The following CADPS variants were observed in gnomAD, a reference collection of about 807,000 sequenced individuals.
CADPS encodes calcium dependent secretion activator, also known as calcium-dependent secretion activator 1.
CADPS carries 57 observed loss-of-function variants against 167.3 expected under a neutral mutation model. That is an observed-to-expected ratio of 0.34 (90% CI 0.28 to 0.42). The LOEUF is 0.42. CADPS is among the 20% of genes least tolerant of loss of function. CADPS has a pLI of 1.00. For synonymous variants in CADPS, 676 were observed against 635.3 expected, an observed-to-expected ratio of 1.06 and a Z score of -0.96; for missense variants, 1,414 against 1,738.1, an observed-to-expected ratio of 0.81 and a Z score of 3.32.
At chr3:62,574,478 C>T (rs542529146) in intron 8 of CADPS, among the ~76,000 whole-genome samples, 158 of 152,214 alleles carry the variant, frequency 1.0e-3, no homozygotes, top group African/African-American at 3.6e-3. Flanking sequence ...GAGCATCGAC[C>T]GGATGACTGA....
chr3:62,642,506 TA>T (rs2067624582), intron 6 of CADPS, among the ~76,000 whole-genome samples: 1 of 151,958 alleles, frequency 6.6e-6, no homozygotes, highest in East Asian at 1.9e-4. Flanking sequence ...GGAGAAGAAA[TA>T]AAGCTTCAAA....
chr3:62,402,994 C>G, intron 29 of CADPS, 87 bp downstream of exon 29: 1 of 790,256 alleles, frequency 1.3e-6, no homozygotes, highest in Non-Finnish European at 2.0e-6. Flanking sequence ...AACTAATATT[C>G]TTTGTGTTAA....
chr3:62,483,304 AAGTGGGGG>A (rs1338617125), intron 21 of CADPS, among the ~76,000 whole-genome samples: 2 of 113,726 alleles, frequency 1.8e-5, no homozygotes, highest in African/African-American at 3.3e-5. Context: ...TTGGGTGGGG[AAGTGGGGG>A]AGTAGGGGAG....
chr3:62,555,607 G>A (rs2078006608), intron 10 of CADPS, among the ~76,000 whole-genome samples: 1 of 152,118 alleles, frequency 6.6e-6, no homozygotes, highest in Admixed American at 6.5e-5. Context: ...ATTACCCTGA[G>A]GGCTAAATAC....
chr3:62,833,934 C>T (rs1320411434), intron 1 of CADPS, among the ~76,000 whole-genome samples: 2 of 152,162 alleles, frequency 1.3e-5, no homozygotes, highest in Non-Finnish European at 2.9e-5. Context: ...GGTACACATA[C>T]ATGTGCATTT....
chr3:62,605,318 G>T (rs2060554769), intron 6 of CADPS, among the ~76,000 whole-genome samples: 1 of 152,072 alleles, frequency 6.6e-6, no homozygotes. Flanking sequence ...AGACAACTTT[G>T]GCTATGCCCC....
chr3:62,661,920 T>C (rs1362758941), intron 4 of CADPS, among the ~76,000 whole-genome samples: 4 of 152,102 alleles, frequency 2.6e-5, no homozygotes, highest in Admixed American at 6.5e-5. Flanking sequence ...TCCACAGTGA[T>C]TGGATATAGA....
intron 1 of CADPS, among the ~76,000 whole-genome samples, chr3:62,857,950 G>C (rs1458115935): frequency 1.3e-5 from 2 of 152,010 alleles, no homozygotes; most frequent in South Asian, 4.1e-4. Flanking sequence ...TATATCTAGG[G>C]AGTTAGGAAG....
At chr3:62,457,492 A>G (rs542987922) in intron 26 of CADPS, among the ~76,000 whole-genome samples, 2 of 152,384 alleles carry the variant, frequency 1.3e-5, no homozygotes, top group South Asian at 4.1e-4. Context: ...CATTAAAATA[A>G]AACACAAAAT....
At chr3:62,650,779 T>C in intron 5 of CADPS, 68 bp downstream of exon 5, 1 of 1,141,374 alleles carries the variant, frequency 8.8e-7, no homozygotes, top group Non-Finnish European at 1.3e-6. Flanking sequence ...AAGCTGATTG[T>C]GACGCATCTA....
At chr3:62,859,940 G>A (rs1225765458) in intron 1 of CADPS, among the ~76,000 whole-genome samples, 1 of 152,106 alleles carries the variant, frequency 6.6e-6, no homozygotes, top group African/African-American at 2.4e-5. Flanking sequence ...TGGGCCCTCT[G>A]CCTTGGTTTA....
chr3:62,774,845 T>C (rs895081336), intron 1 of CADPS, among the ~76,000 whole-genome samples: 2 of 152,126 alleles, frequency 1.3e-5, no homozygotes, highest in African/African-American at 4.8e-5. Flanking sequence ...GTAATAGCCT[T>C]TTCAGACAAA....
chr3:62,815,612 C>T (rs2094576468), intron 1 of CADPS, among the ~76,000 whole-genome samples: 1 of 152,130 alleles, frequency 6.6e-6, no homozygotes, highest in Non-Finnish European at 1.5e-5. Flanking sequence ...AAGGCAGAAG[C>T]TTGCTATCAT....
Position 62,592,677 on chromosome 3 carries a change from C to A in CADPS, c.1397G>T (p.Ser466Ile). ...PAVKVKLFTE[S>I]TGVLALEDKE... ...GTCCTCCAACGCCAGGACGCCTGTG[C>A]TCTCTGTGAACAGCTTCACCTTCAC... is the stretch of plus-strand genomic sequence containing the variant. Residue 466 changes from serine (S) to isoleucine (I), a missense_variant, in exon 7 of 30, where the codon AGC becomes ATC. Ser to Ile is a moderately radical substitution (Grantham distance 142). Transcript: ENST00000383710. 1.2e-6 allele frequency: 2 copies of A among 1,614,082 alleles called. No individual in the cohort carries two copies. The highest frequency in any genetic ancestry group is 1.7e-6 in the Non-Finnish European group (2 of 1,179,922).
intron 3 of CADPS, among the ~76,000 whole-genome samples, chr3:62,729,454 G>A (rs1441061349): frequency 6.6e-6 from 1 of 151,786 alleles, no homozygotes; most frequent in Non-Finnish European, 1.5e-5. Flanking sequence ...AAGGTGGTTT[G>A]CACACCAGCC....
intron 6 of CADPS, among the ~76,000 whole-genome samples, chr3:62,600,900 C>A (rs962675072): frequency 6.6e-6 from 1 of 152,132 alleles, no homozygotes; most frequent in Admixed American, 6.6e-5. Context: ...GGGTGGATTG[C>A]TTGAGCTCAG....
intron 21 of CADPS, among the ~76,000 whole-genome samples, chr3:62,487,042 A>T (rs1313618805): frequency 1.3e-5 from 2 of 152,178 alleles, no homozygotes; most frequent in African/African-American, 4.8e-5. Flanking sequence ...CTTTTGCCCC[A>T]TCCTTGTTTT....
rs1011333093 is a variant in CADPS at position 62,514,619 on chromosome 3, T to C, written c.2581+1440A>G. On this transcript the variant is annotated intron_variant, in intron 16 of 29. Transcript: ENST00000383710. The surrounding 1 kb of genome is among the most constrained non-coding windows in gnomAD (Gnocchi z 4.2). ...ATGAATGCATTTTTACTTACAGATC[T>C]TAAAGTTTGTTTTTGGATAGATTTA... is the stretch of plus-strand genomic sequence containing the variant. 6.6e-6 allele frequency among the ~76,000 whole-genome samples: 1 copy of C among 152,146 alleles called. No individual in the cohort carries two copies. Among genetic ancestry groups the C allele is most frequent in the African/African-American group, 2.4e-5 (1 of 41,436 alleles).
At chr3:62,746,114 T>C (rs567506890) in intron 3 of CADPS, among the ~76,000 whole-genome samples, 1 of 152,180 alleles carries the variant, frequency 6.6e-6, no homozygotes, top group Non-Finnish European at 1.5e-5. Flanking sequence ...AAACAATGTT[T>C]GGATGCCTCC....
Sources: allele counts gnomAD v4.1 joint callset (sites outside exome capture counted in the v4.1 genomes callset), GRCh38; gene constraint gnomAD v4.1.1; non-coding constraint Gnocchi (gnomAD v3.1); transcripts MANE v1.5; gene names NCBI Gene and HGNC (gene_info 2026-07-23, HGNC 2026-07-21).